The following MAGI1 variants were observed in gnomAD, a reference collection of about 807,000 sequenced individuals.
MAGI1 encodes membrane-associated guanylate kinase, WW and PDZ domain-containing protein 1.
Under a neutral mutation model 139.9 loss-of-function variants are expected in MAGI1, and 58 were observed. The ratio of observed to expected loss-of-function variants is 0.41; its 90% CI spans 0.34 to 0.52. The LOEUF (loss-of-function observed/expected upper bound fraction) is 0.52. Ranked by LOEUF, MAGI1 falls within the 20% of genes least tolerant of loss-of-function variation. The pLI is 0.12. For missense variants in MAGI1, 1,874 were observed against 1,901.6 expected, an observed-to-expected ratio of 0.99 and a Z score of 0.27; for synonymous variants, 812 against 737.9, an observed-to-expected ratio of 1.10 and a Z score of -1.63.
chr3:65,361,380 T>C lies in MAGI1; in HGVS notation c.3496-43A>G, dbSNP rs771047630. On this transcript the variant is annotated intron_variant, in intron 21 of 22. Coordinates refer to ENST00000402939, the MANE Select transcript of MAGI1 (RefSeq NM_001033057.2). ...AACTAAGTGAGATTTGAAATTCATG[T>C]ACGGATTCACCAAATGTTTATTAAG... 4 of 1,602,690 alleles carry C rather than the reference T, an allele frequency of 2.5e-6. No homozygotes were observed. The South Asian group carries it at 4.4e-5, about 18-fold the overall frequency.
chr3:65,802,848 CTGTGTGTGTGTGTGTGTG>C (rs55814110), intron 1 of MAGI1, among the ~76,000 whole-genome samples: 30 of 138,134 alleles, frequency 2.2e-4, no homozygotes, highest in Non-Finnish European at 3.4e-4. Flanking sequence ...ATCATCTCAT[CTGTGTGTGTGTGTGTGTG>C]TGTGTGTGTG....
intron 1 of MAGI1, among the ~76,000 whole-genome samples, chr3:65,950,538 A>T (rs1328568533): frequency 2.6e-5 from 4 of 152,206 alleles, no homozygotes; most frequent in Non-Finnish European, 5.9e-5. Flanking sequence ...CTCTCTAGAA[A>T]ACACTACAGG....
chr3:65,644,606 A>G (rs2085159361), intron 1 of MAGI1, among the ~76,000 whole-genome samples: 1 of 152,110 alleles, frequency 6.6e-6, no homozygotes, highest in Non-Finnish European at 1.5e-5. Flanking sequence ...TTTTAGAACT[A>G]TAAATTATAA....
chr3:65,707,524 C>CA (rs559965997), intron 1 of MAGI1, among the ~76,000 whole-genome samples: 1 of 151,678 alleles, frequency 6.6e-6, no homozygotes, highest in African/African-American at 2.4e-5. Flanking sequence ...GTCTCTCTAA[C>CA]AAAAAAAATT....
intron 13 of MAGI1, among the ~76,000 whole-genome samples, chr3:65,397,424 T>C (rs907979970): frequency 6.6e-6 from 1 of 152,148 alleles, no homozygotes; most frequent in South Asian, 2.1e-4. Context: ...CAGCTTGCTA[T>C]GTCTGCTCTA....
intron 1 of MAGI1, among the ~76,000 whole-genome samples, chr3:66,000,412 C>T (rs1287934134): frequency 6.6e-6 from 1 of 152,074 alleles, no homozygotes; most frequent in Admixed American, 6.5e-5. Flanking sequence ...TTTCTTCCTA[C>T]CCCAATTAAA....
At chr3:65,961,815 C>T (rs139342376) in intron 1 of MAGI1, among the ~76,000 whole-genome samples, 1 of 152,214 alleles carries the variant, frequency 6.6e-6, no homozygotes, top group Admixed American at 6.5e-5. Context: ...CTTCCCCCAA[C>T]CTTCCTGTCA....
Position 65,374,313 on chromosome 3 carries a change from CT to C in MAGI1, c.3196+1431del, listed in dbSNP as rs3072933. 5.5e-3 allele frequency among the ~76,000 whole-genome samples: 527 copies of C among 95,082 alleles called. 1 individual carries two copies. Among genetic ancestry groups the C allele is most frequent in the African/African-American group, 0.02 (463 of 23,550 alleles). 62.4% of individuals were successfully genotyped at this position (95,082 alleles called of 152,430 possible). ...TCCTGGCCTTAGTGTATCAACTTAA[CT>C]TTTTTTTTTTTTTTTTTTTTTTGAG... On this transcript the variant is annotated intron_variant, in intron 18 of 22. Transcript: ENST00000402939.
intron 1 of MAGI1, among the ~76,000 whole-genome samples, chr3:65,771,143 T>G (rs1223960938): frequency 6.6e-6 from 1 of 151,472 alleles, no homozygotes; most frequent in East Asian, 2.0e-4. Flanking sequence ...CCCGTCTCTA[T>G]TAAAAACACA....
At chr3:65,391,739 A>C (rs1399542283) in intron 13 of MAGI1, among the ~76,000 whole-genome samples, 1 of 152,238 alleles carries the variant, frequency 6.6e-6, no homozygotes, top group Non-Finnish European at 1.5e-5. Flanking sequence ...GTTTAGGATA[A>C]GGCTATAATA....
At chr3:65,916,874 T>A (rs1235789391) in intron 1 of MAGI1, among the ~76,000 whole-genome samples, 1 of 152,008 alleles carries the variant, frequency 6.6e-6, no homozygotes, top group Non-Finnish European at 1.5e-5. Flanking sequence ...GAGAAGACAG[T>A]TGTCAGGGAT....
chr3:65,900,105 G>C (rs536296030), intron 1 of MAGI1, among the ~76,000 whole-genome samples: 1 of 151,396 alleles, frequency 6.6e-6, no homozygotes, highest in African/African-American at 2.4e-5. Context: ...AAAAAAAAAC[G>C]AGCTTTCTAC....
intron 3 of MAGI1, among the ~76,000 whole-genome samples, chr3:65,487,283 A>G (rs1211159465): frequency 6.6e-6 from 1 of 152,196 alleles, no homozygotes; most frequent in Non-Finnish European, 1.5e-5. Context: ...ATATTCGTTT[A>G]TTTAAATAAA....
intron 1 of MAGI1, among the ~76,000 whole-genome samples, chr3:65,974,593 G>C (rs2065175520): frequency 6.6e-6 from 1 of 152,170 alleles, no homozygotes; most frequent in Non-Finnish European, 1.5e-5. Context: ...GGTGGTTCTG[G>C]CTCAACATCT....
chr3:65,435,468 G>GTGGATGGATGGATGGATGGATGGA (rs10681942), intron 10 of MAGI1, among the ~76,000 whole-genome samples: 3 of 149,552 alleles, frequency 2.0e-5, no homozygotes. Flanking sequence ...ATATGTATAT[G>GTGGATGGATGGATGGATGGATGGA]TGGATGGATG....
At chr3:65,947,936 C>G (rs1350626673) in intron 1 of MAGI1, among the ~76,000 whole-genome samples, 1 of 138,138 alleles carries the variant, frequency 7.2e-6, no homozygotes, top group Non-Finnish European at 1.6e-5. Context: ...CAATATCTTT[C>G]TCTTTTTTTT....
At chr3:65,589,925 G>A (rs1186945519) in intron 2 of MAGI1, among the ~76,000 whole-genome samples, 1 of 151,830 alleles carries the variant, frequency 6.6e-6, no homozygotes, top group Non-Finnish European at 1.5e-5. Context: ...AGGCTCCTTG[G>A]CATCTCTGTG....
At chr3:65,671,002 T>C (rs17073380) in intron 1 of MAGI1, among the ~76,000 whole-genome samples, 5,098 of 152,324 alleles carry the variant, frequency 0.033, 292 homozygotes, top group African/African-American at 0.11. Flanking sequence ...AACTCATGAA[T>C]TGTAATGATG....
chr3:65,496,028 T>C (rs1405220697), intron 2 of MAGI1, among the ~76,000 whole-genome samples: 3 of 151,904 alleles, frequency 2.0e-5, no homozygotes, highest in South Asian at 2.1e-4. Flanking sequence ...AGGGGGTGCG[T>C]TGATTTGGTT....
Sources: allele counts gnomAD v4.1 joint callset (sites outside exome capture counted in the v4.1 genomes callset), GRCh38; gene constraint gnomAD v4.1.1; transcripts MANE v1.5; gene names NCBI Gene and HGNC (gene_info 2026-07-23, HGNC 2026-07-21).